TMEM108: variants seen among roughly 807,000 people sequenced by gnomAD.
TMEM108 encodes cancer/testis antigen 124.
A neutral mutation model predicts 35.1 loss-of-function variants in TMEM108; 12 were observed. The observed-to-expected ratio is 0.34, with a 90% CI of 0.22 to 0.55. The LOEUF (loss-of-function observed/expected upper bound fraction) is 0.55, where lower values mean the gene tolerates loss of function less well. Among genes scored for constraint, TMEM108 ranks in the 20% least tolerant of loss-of-function variants. The pLI is 0.89. For missense variants in TMEM108, 680 were observed against 753.3 expected (o/e 0.90, Z 1.14); for synonymous variants, 287 against 308.6 (o/e 0.93, Z 0.73).
chr3:133,128,367 T>C (rs755437307), intron 2 of TMEM108, among the ~76,000 whole-genome samples: 52 of 152,192 alleles, frequency 3.4e-4, no homozygotes, highest in Non-Finnish European at 6.5e-4. Context: ...GAAAGTTAGC[T>C]TGGAAATTAG....
At chr3:133,386,918 G>A in intron 4 of TMEM108, 3 of 777,248 alleles carry the variant, frequency 3.9e-6, no homozygotes, top group Non-Finnish European at 4.7e-6. Flanking sequence ...AAAATGGGAA[G>A]AGCAATAGTG....
intron 3 of TMEM108, among the ~76,000 whole-genome samples, chr3:133,319,749 C>G (rs572522231): frequency 7.2e-5 from 11 of 152,284 alleles, no homozygotes; most frequent in African/African-American, 2.6e-4. Context: ...CTGGTAGCCC[C>G]ACTGGGTTGC....
intron 2 of TMEM108, among the ~76,000 whole-genome samples, chr3:133,197,233 G>T (rs945913151): frequency 5.3e-5 from 8 of 152,146 alleles, no homozygotes; most frequent in Non-Finnish European, 1.0e-4. Context: ...GGTAATTAAA[G>T]GTTTTTGTAT....
chr3:133,232,522 T>C (rs1946168463), intron 3 of TMEM108, among the ~76,000 whole-genome samples: 1 of 152,164 alleles, frequency 6.6e-6, no homozygotes, highest in Non-Finnish European at 1.5e-5. Context: ...CTCTTTTCTT[T>C]ATGAATTACA....
intron 3 of TMEM108, among the ~76,000 whole-genome samples, chr3:133,343,882 G>T (rs1045703204): frequency 6.6e-6 from 1 of 151,852 alleles, no homozygotes; most frequent in East Asian, 1.9e-4. Flanking sequence ...GCAGACTGGG[G>T]AAAGTGAATA....
chr3:133,304,914 T>G (rs1947280308), intron 3 of TMEM108, among the ~76,000 whole-genome samples: 1 of 151,968 alleles, frequency 6.6e-6, no homozygotes, highest in South Asian at 2.1e-4. Flanking sequence ...AAACCTTCTC[T>G]CTACTAAAAA....
chr3:133,200,113 G>C (rs1945640223), intron 2 of TMEM108, among the ~76,000 whole-genome samples: 1 of 152,192 alleles, frequency 6.6e-6, no homozygotes, highest in South Asian at 2.1e-4. Context: ...AAGACCGTTG[G>C]AAAAGCGCAG....
chr3:133,271,060 G>C (rs545346959), intron 3 of TMEM108, among the ~76,000 whole-genome samples: 7 of 152,244 alleles, frequency 4.6e-5, no homozygotes, highest in African/African-American at 1.7e-4. Flanking sequence ...TACCTCAAAT[G>C]AACACGCTAC....
At chr3:133,182,655 C>G (rs1004424494) in intron 2 of TMEM108, among the ~76,000 whole-genome samples, 3 of 152,176 alleles carry the variant, frequency 2.0e-5, no homozygotes, top group African/African-American at 7.2e-5. Flanking sequence ...GCAAGCAGAC[C>G]TCATTTTTCC....
chr3:133,290,751 A>C (rs973676417), intron 3 of TMEM108, among the ~76,000 whole-genome samples: 4 of 152,242 alleles, frequency 2.6e-5, no homozygotes, highest in Admixed American at 6.5e-5. Flanking sequence ...ATGAAAAAGC[A>C]AAAGAAAATG....
intron 2 of TMEM108, among the ~76,000 whole-genome samples, chr3:133,144,571 T>A (rs1050424044): frequency 6.6e-6 from 1 of 152,226 alleles, no homozygotes; most frequent in Non-Finnish European, 1.5e-5. Flanking sequence ...ATAGTTGAAC[T>A]AATTTACAGT....
Position 133,341,855 on chromosome 3 carries a change from A to G in TMEM108, c.41-37897A>G, listed in dbSNP as rs1182056064. On this transcript the variant is annotated intron_variant, in intron 3 of 5. Coordinates refer to ENST00000321871, the MANE Select transcript of TMEM108 (RefSeq NM_023943.4). The stretch of plus-strand genomic sequence containing the variant: ...TGCAGAAGAATGAAACTAGACCCCC[A>G]TCTTTCACCATATTACAAAAATCAA... 2.6e-5 allele frequency among the ~76,000 whole-genome samples: 4 copies of G among 151,814 alleles called. No homozygotes were observed. In the East Asian group the frequency reaches 7.7e-4, roughly 29 times the overall value.
At chr3:133,243,493 G>C (rs1423982188) in intron 3 of TMEM108, among the ~76,000 whole-genome samples, 2 of 140,672 alleles carry the variant, frequency 1.4e-5, no homozygotes, top group Non-Finnish European at 3.0e-5. Context: ...AAATTGGTCT[G>C]ATTGGGGAAA....
chr3:133,343,832 G>T (rs2071734967), intron 3 of TMEM108, among the ~76,000 whole-genome samples: 1 of 151,504 alleles, frequency 6.6e-6, no homozygotes, highest in Non-Finnish European at 1.5e-5. Context: ...TATGCAAAAT[G>T]AAAAAAAATC....
chr3:133,387,509 C>T, intron 4 of TMEM108: 1 of 985,416 alleles, frequency 1.0e-6, no homozygotes, highest in Non-Finnish European at 1.2e-6. Flanking sequence ...CTGCATCTGG[C>T]ATTCTAACAA....
intron 2 of TMEM108, among the ~76,000 whole-genome samples, chr3:133,168,685 C>T (rs1945080901): frequency 6.6e-6 from 1 of 152,184 alleles, no homozygotes; most frequent in African/African-American, 2.4e-5. Context: ...GGAATAAAAG[C>T]TGGCCACCTG....
intron 2 of TMEM108, among the ~76,000 whole-genome samples, chr3:133,122,234 G>A (rs1305400480): frequency 2.0e-5 from 3 of 151,644 alleles, no homozygotes; most frequent in South Asian, 2.1e-4. Context: ...ATAATTCAAT[G>A]TGTATTTGGA....
At chr3:133,245,491 A>C (rs1461664210) in intron 3 of TMEM108, among the ~76,000 whole-genome samples, 2 of 152,186 alleles carry the variant, frequency 1.3e-5, no homozygotes, top group African/African-American at 4.8e-5. Context: ...GCATAAACAC[A>C]TCACCCAGTC....
chr3:133,271,439 T>C (rs913037210), intron 3 of TMEM108, among the ~76,000 whole-genome samples: 1 of 152,246 alleles, frequency 6.6e-6, no homozygotes, highest in African/African-American at 2.4e-5. Flanking sequence ...AAGGCTGTCA[T>C]TTTTGACTAG....
Sources: allele counts gnomAD v4.1 joint callset (sites outside exome capture counted in the v4.1 genomes callset), GRCh38; gene constraint gnomAD v4.1.1; transcripts MANE v1.5; gene names NCBI Gene and HGNC (gene_info 2026-07-23, HGNC 2026-07-21).